The following CD81 variants were observed in gnomAD, a reference collection of about 807,000 sequenced individuals.
CD81 encodes CD81 molecule, also known as CD81 antigen.
Under a neutral mutation model 30.1 loss-of-function variants are expected in CD81, and 10 were observed. The observed-to-expected ratio is 0.33, with a 90% CI of 0.21 to 0.56. The LOEUF (loss-of-function observed/expected upper bound fraction) is 0.56, where lower values mean the gene tolerates loss of function less well. Ranked by LOEUF, CD81 falls within the 20% of genes least tolerant of loss-of-function variation. CD81 has a pLI of 0.89. For synonymous variants in CD81, 147 were observed against 126.4 expected, an observed-to-expected ratio of 1.16 and a Z score of -1.10; for missense variants, 263 against 308.7, an observed-to-expected ratio of 0.85 and a Z score of 1.11.
intron 2 of CD81, chr11:2,391,152 C>T: frequency 5.7e-6 from 1 of 174,592 alleles, no homozygotes; most frequent in Non-Finnish European, 1.2e-5. Context: ...GTGCAGAGAG[C>T]AGCACCCTTC....
In CD81 at chr11:2,377,643, G is replaced by A; in HGVS notation, c.66+28G>A. 1 of 1,449,798 alleles carries A rather than the reference G, an allele frequency of 6.9e-7. No homozygotes were observed. Among genetic ancestry groups the A allele is most frequent in the Non-Finnish European group, 9.4e-7 (1 of 1,064,780 alleles). The allele number at this position is 1,449,798 out of a possible 1,614,324, so 89.8% of individuals were successfully genotyped here. A position where few individuals can be genotyped will look rare whatever the true frequency, so the allele number is the denominator to read the frequency against. On this transcript the variant is annotated intron_variant, in intron 1 of 7. Transcript: ENST00000263645. This position sits in a 1 kb window ranked among gnomAD's most constrained non-coding sequence, Gnocchi z 7.7. ...AAGGGCTGCGCCGGGGGCCGGGGCG[G>A]GAGGGGGCAGGCACACACTCCACGT...
chr11:2,387,675 C>T (rs1194205025), intron 1 of CD81, among the ~76,000 whole-genome samples: 2 of 152,142 alleles, frequency 1.3e-5, no homozygotes, highest in African/African-American at 4.8e-5. Context: ...CCCTGGCCTC[C>T]CTGGGGCCTT....
chr11:2,394,783 C>T (rs1405843289), intron 3 of CD81, 189 bp from the exon 4 acceptor site: 1 of 660,662 alleles, frequency 1.5e-6, no homozygotes, highest in Non-Finnish European at 2.8e-6. Flanking sequence ...TTTGACGGCT[C>T]CTCCCTGCGC....
At position 2,377,357 on chromosome 11, in the gene CD81, C is replaced by G. The variant is rs1265125413; in HGVS notation, c.-193C>G. ...GGCGGCGACGGCGGCGACCCCACCG[C>G]GCATCCTGCCAGGCCTCCGGCGCCC... On this transcript the variant is annotated 5_prime_UTR_variant, in exon 1 of 8. Transcript: ENST00000263645. The surrounding 1 kb of genome is among the most constrained non-coding windows in gnomAD (Gnocchi z 7.7). The G allele has an allele frequency of 6.7e-6, 1 of 150,022 alleles. No homozygotes were observed. Among genetic ancestry groups the G allele is most frequent in the African/African-American group, 2.4e-5 (1 of 40,992 alleles). 9.3% of individuals were successfully genotyped at this position (150,022 alleles called of 1,614,324 possible). A position where few individuals can be genotyped will look rare whatever the true frequency, so the allele number is the denominator to read the frequency against.
In CD81 at chr11:2,377,678, C is replaced by T; in HGVS notation, c.66+63C>T. On this transcript the variant is annotated intron_variant, in intron 1 of 7. Transcript: ENST00000263645. This position sits in a 1 kb window ranked among gnomAD's most constrained non-coding sequence, Gnocchi z 7.7. Reference sequence around the variant, plus strand: ...GGCACACACTCCACGTTGGGCAGGTCCCGCGGCAGCGTGCTAGGCCCCGCG... The same window carrying T: ...GGCACACACTCCACGTTGGGCAGGTTCCGCGGCAGCGTGCTAGGCCCCGCG... 1 of 1,152,838 alleles carries T rather than the reference C, an allele frequency of 8.7e-7. No homozygotes were observed. Among genetic ancestry groups the T allele is most frequent in the Middle Eastern group, 2.3e-4 (1 of 4,344 alleles). 71.4% of individuals were successfully genotyped at this position (1,152,838 alleles called of 1,614,324 possible). A position where few individuals can be genotyped will look rare whatever the true frequency, so the allele number is the denominator to read the frequency against.
At chr11:2,390,150 C>T (rs1849872021) in intron 1 of CD81, 4 of 589,046 alleles carry the variant, frequency 6.8e-6, no homozygotes, top group Non-Finnish European at 1.2e-5. Context: ...CCCGTGTCTT[C>T]CTGGCAGTCC....
At chr11:2,394,715 G>A (rs1381905496) in intron 3 of CD81, 8 of 594,268 alleles carry the variant, frequency 1.3e-5, no homozygotes, top group Admixed American at 5.2e-5. Flanking sequence ...CAAACCACAC[G>A]CCCCGCCCCA....
At position 2,378,117 on chromosome 11, in the gene CD81, G is replaced by A. The variant is rs1222800646; in HGVS notation, c.66+502G>A. ...GGCGGGGGCGCACACTTTGCCGGAG[G>A]TTGGGGGCGATCCGCCTCACTCTTT... On this transcript the variant is annotated intron_variant, in intron 1 of 7. Coordinates refer to ENST00000263645, the MANE Select transcript of CD81 (RefSeq NM_004356.4). This position sits in a 1 kb window ranked among gnomAD's most constrained non-coding sequence, Gnocchi z 4.9. The A allele has an allele frequency of 6.6e-6, 1 of 152,228 alleles. No homozygotes were observed. Among genetic ancestry groups the A allele is most frequent in the Non-Finnish European group, 1.5e-5 (1 of 68,100 alleles). 9.4% of individuals were successfully genotyped at this position (152,228 alleles called of 1,614,324 possible).
chr11:2,394,020 G>A (rs750541732), intron 2 of CD81, 75 bp from the exon 3 acceptor site: 23 of 1,178,642 alleles, frequency 2.0e-5, no homozygotes, highest in South Asian at 9.7e-5. Context: ...TGGTGGGTTC[G>A]GCACCCAGGA....
chr11:2,389,879 C>A (rs1849866376), intron 1 of CD81, among the ~76,000 whole-genome samples: 1 of 152,110 alleles, frequency 6.6e-6, no homozygotes, highest in South Asian at 2.1e-4. Flanking sequence ...TCAGCACCCC[C>A]AGACAGAAGC....
At chr11:2,394,948 C>T in intron 3 of CD81, 24 bp from the exon 4 acceptor site, 1 of 1,609,646 alleles carries the variant, frequency 6.2e-7, no homozygotes, top group Non-Finnish European at 8.5e-7. Flanking sequence ...CTCTTTCCTC[C>T]CTCTGGCCAC....
intron 1 of CD81, among the ~76,000 whole-genome samples, chr11:2,385,314 C>T (rs1417654448): frequency 6.6e-6 from 1 of 152,118 alleles, no homozygotes; most frequent in Non-Finnish European, 1.5e-5. Context: ...CCCAGGTGCC[C>T]CTGGGGCCCT....
rs1849649648 is a variant in CD81, at chr11:2,378,918, G to C, written c.66+1303G>C. Among the ~76,000 whole-genome samples the C allele has an allele frequency of 6.6e-6, 1 of 152,238 alleles. No individual in the cohort carries two copies. The highest frequency in any genetic ancestry group is 1.5e-5 in the Non-Finnish European group (1 of 68,044). On this transcript the variant is annotated intron_variant, in intron 1 of 7. Coordinates refer to ENST00000263645, the MANE Select transcript of CD81 (RefSeq NM_004356.4). This position sits in a 1 kb window ranked among gnomAD's most constrained non-coding sequence, Gnocchi z 4.9. ...ATTTGGAGGGGGAAGGACGGAGGCTGAACTGAACTCTCAGCTGGGAGATGA... is the reference window on the plus strand; with the variant it reads ...ATTTGGAGGGGGAAGGACGGAGGCTCAACTGAACTCTCAGCTGGGAGATGA...
intron 1 of CD81, chr11:2,382,530 A>G (rs1849722803): frequency 6.6e-6 from 1 of 152,222 alleles, no homozygotes; most frequent in Admixed American, 6.5e-5. Flanking sequence ...CCAGTTATGG[A>G]AGTGGCGTGA....
intron 6 of CD81, 164 bp from the exon 7 acceptor site, chr11:2,396,464 G>C (rs1850006563): frequency 1.4e-6 from 1 of 690,562 alleles, no homozygotes; most frequent in Non-Finnish European, 2.6e-6. Flanking sequence ...GCCGGCAGAG[G>C]CCGGGCCGCT....
chr11:2,394,872 A>G lies in CD81; in HGVS notation c.280-100A>G, dbSNP rs1328775135. 2.8e-6 allele frequency: 3 copies of G among 1,080,990 alleles called. No individual in the cohort carries two copies. In the Admixed American group the frequency reaches 5.1e-5, roughly 18 times the overall value. The allele number at this position is 1,080,990 out of a possible 1,614,324, so 67.0% of individuals were successfully genotyped here. A position where few individuals can be genotyped will look rare whatever the true frequency, so the allele number is the denominator to read the frequency against. ...AGGTCGTGGGCTGGTGGCTCCCACT[A>G]GCCCCTCACAGACACGCCTGCTGGG... is the stretch of plus-strand genomic sequence containing the variant. On this transcript the variant is annotated intron_variant, in intron 3 of 7. Transcript: ENST00000263645.
At chr11:2,393,947 G>A (rs1432656825) in intron 2 of CD81, 148 bp from the exon 3 acceptor site, 1 of 717,558 alleles carries the variant, frequency 1.4e-6, no homozygotes, top group Non-Finnish European at 2.5e-6. Context: ...GCTGGGATGT[G>A]AGGTCCCTTG....
rs188175983 is a variant in CD81, at chr11:2,396,872, C to T, written c.*6C>T. The T allele has an allele frequency of 4.6e-4, 742 of 1,612,408 alleles. 8 individuals carry two copies. In the East Asian group the frequency reaches 0.01, roughly 22 times the overall value. On this transcript the variant is annotated 3_prime_UTR_variant, in exon 8 of 8. Coordinates refer to ENST00000263645, the MANE Select transcript of CD81 (RefSeq NM_004356.4). ...GGAACAGCTCCGTGTACTGAGGCCC[C>T]GCAGCTCTGGCCACAGGGACCTCTG... is the stretch of plus-strand genomic sequence containing the variant.
chr11:2,379,654 G>T (rs1849671441), intron 1 of CD81, among the ~76,000 whole-genome samples: 1 of 152,022 alleles, frequency 6.6e-6, no homozygotes, highest in African/African-American at 2.4e-5. Flanking sequence ...CGCCAGGGCG[G>T]GCCTGGAAGT....
Sources: gnomAD v4.1 joint callset for allele counts (sites outside exome capture counted in the v4.1 genomes callset) on GRCh38, gnomAD v4.1.1 for gene constraint, Gnocchi (gnomAD v3.1) non-coding constraint, MANE v1.5 for transcripts, NCBI Gene and HGNC (gene_info 2026-07-23, HGNC 2026-07-21) for gene names.